Variants in SLC25A23 observed in about 807,000 individuals in gnomAD.
SLC25A23 encodes solute carrier family 25 member 23.
Under a neutral mutation model 53.9 loss-of-function variants are expected in SLC25A23, and 32 were observed. That is an observed-to-expected ratio of 0.59 (90% CI 0.45 to 0.80). The LOEUF is 0.80. Among genes scored for constraint, SLC25A23 ranks in the 30% least tolerant of loss-of-function variants. SLC25A23 has a pLI of 0.00. For synonymous variants in SLC25A23, 275 were observed against 264.5 expected, an observed-to-expected ratio of 1.04 and a Z score of -0.38; for missense variants, 575 against 651.4, an observed-to-expected ratio of 0.88 and a Z score of 1.28.
intron 8 of SLC25A23, among the ~76,000 whole-genome samples, chr19:6,444,675 A>G (rs1299506910): frequency 2.6e-5 from 4 of 151,774 alleles, no homozygotes. Context: ...AATTATTATT[A>G]TTATTATTTT....
rs1442798358 is a variant in SLC25A23, at chr19:6,443,853, C to G, written c.1222+298G>C. ...TCCTAGCCTCCCGCTCACGATAACCCAGGCTTACAAATTAAGAGTTCAAGT... is the reference window on the plus strand; with the variant it reads ...TCCTAGCCTCCCGCTCACGATAACCGAGGCTTACAAATTAAGAGTTCAAGT... On this transcript the variant is annotated intron_variant, in intron 9 of 9. Coordinates refer to ENST00000301454, the MANE Select transcript of SLC25A23 (RefSeq NM_024103.3). Among the ~76,000 whole-genome samples, 3 of 152,186 alleles carry G rather than the reference C, an allele frequency of 2.0e-5. No individual in the cohort carries two copies. The South Asian group carries it at 6.2e-4, about 31-fold the overall frequency.
rs1491496952 is a variant in SLC25A23, at chr19:6,458,219, T to TGTGAAACATGAGCAGCA, written c.245_261dup (p.Ser88CysfsTer50). On this transcript the variant is annotated frameshift_variant, in exon 2 of 10. Coordinates refer to ENST00000301454, the MANE Select transcript of SLC25A23 (RefSeq NM_024103.3). LOFTEE classifies it high-confidence loss of function. ...TTACCATCCTGGTTCCGGTCAAGAC[T>TGTGAAACATGAGCAGCA]GTGAAACATGAGCAGCAGACGCTGT... 5 of 1,613,530 alleles carry TGTGAAACATGAGCAGCA rather than the reference T, an allele frequency of 3.1e-6. No individual in the cohort carries two copies. Among genetic ancestry groups the TGTGAAACATGAGCAGCA allele is most frequent in the Non-Finnish European group, 4.2e-6 (5 of 1,179,984 alleles).
intron 9 of SLC25A23, 32 bp downstream of exon 9, chr19:6,444,119 C>T (rs369631634): frequency 1.3e-6 from 2 of 1,520,402 alleles, no homozygotes; most frequent in African/African-American, 2.7e-5. Context: ...CGATGAGACT[C>T]CCCCTGCCCC....
chr19:6,452,247 G>A, intron 8 of SLC25A23, 65 bp downstream of exon 8: 6 of 1,549,966 alleles, frequency 3.9e-6, no homozygotes, highest in Non-Finnish European at 5.2e-6. Flanking sequence ...AGGGGAAGGG[G>A]AAGGGGTGTC....
chr19:6,458,163 C>T, intron 2 of SLC25A23, 35 bp downstream of exon 2: 1 of 1,609,424 alleles, frequency 6.2e-7, no homozygotes, highest in Non-Finnish European at 8.5e-7. Flanking sequence ...ACAGCCCTAT[C>T]CCTTGGGGCC....
At chr19:6,443,363 A>G (rs1485652283) in intron 9 of SLC25A23, among the ~76,000 whole-genome samples, 1 of 152,184 alleles carries the variant, frequency 6.6e-6, no homozygotes, top group Non-Finnish European at 1.5e-5. Flanking sequence ...TTTGGACTAC[A>G]GGCACCTGCC....
At position 6,456,580 on chromosome 19, in the gene SLC25A23, TG is replaced by T. The variant is rs779426800; in HGVS notation, c.372-50del. On this transcript the variant is annotated intron_variant, in intron 3 of 9. Transcript: ENST00000301454. ...GGAGGACAGGTTCAGTGCCTGGGGG[TG>T]GGCTAGGCTGGGGTGAAGTTCTGCT... is the stretch of plus-strand genomic sequence containing the variant. 4 of 1,292,716 alleles carry T rather than the reference TG, an allele frequency of 3.1e-6. No individual in the cohort carries two copies. In the African/African-American group the frequency reaches 4.4e-5, roughly 14 times the overall value. 80.1% of individuals were successfully genotyped at this position (1,292,716 alleles called of 1,614,324 possible). A position where few individuals can be genotyped will look rare whatever the true frequency, so the allele number is the denominator to read the frequency against.
At chr19:6,456,950 T>C (rs1243244458) in intron 3 of SLC25A23, among the ~76,000 whole-genome samples, 1 of 152,064 alleles carries the variant, frequency 6.6e-6, no homozygotes, top group Non-Finnish European at 1.5e-5. Flanking sequence ...AGTGGCAGGA[T>C]TGCAGGCGTG....
chr19:6,456,135 A>G, intron 4 of SLC25A23: 4 of 1,423,454 alleles, frequency 2.8e-6, no homozygotes, highest in Non-Finnish European at 3.7e-6. Context: ...CCATCTGGTG[A>G]GCTCTTTCTT....
chr19:6,436,977 T>A (rs1389669756), downstream of SLC25A23, among the ~76,000 whole-genome samples: 1 of 151,986 alleles, frequency 6.6e-6, no homozygotes, highest in African/African-American at 2.4e-5. Flanking sequence ...GCCTTCCGAG[T>A]AGCTGGGATC....
rs2092653693 is a variant in SLC25A23, at chr19:6,454,792, T to C, written c.484-75A>G. The C allele has an allele frequency of 9.9e-6, 15 of 1,521,352 alleles. No individual in the cohort carries two copies. In the South Asian group the frequency reaches 1.7e-4, roughly 17 times the overall value. 94.2% of individuals were successfully genotyped at this position (1,521,352 alleles called of 1,614,324 possible). A position where few individuals can be genotyped will look rare whatever the true frequency, so the allele number is the denominator to read the frequency against. ...TGTGACTCAGTCCTAAATAGGGGAG[T>C]CTCCTCTATGAATCCTAGGATACCC... On this transcript the variant is annotated intron_variant, in intron 4 of 9. Transcript: ENST00000301454. This position sits in a 1 kb window ranked among gnomAD's most constrained non-coding sequence, Gnocchi z 4.3.
At position 6,441,563 on chromosome 19, in the gene SLC25A23, AG is replaced by A. The variant is rs2092421166; in HGVS notation, c.*411del. 1 of 216,606 alleles carries A rather than the reference AG, an allele frequency of 4.6e-6. No individual in the cohort carries two copies. The highest frequency in any genetic ancestry group is 6.1e-5 in the South Asian group (1 of 16,512). 13.4% of individuals were successfully genotyped at this position (216,606 alleles called of 1,614,324 possible). ...AAGACGTAGAGGTCCAGGATCCAGT[AG>A]GGGGCACAGGGAAGCGTGGGATCCA... On this transcript the variant is annotated 3_prime_UTR_variant, in exon 10 of 10. Coordinates refer to ENST00000301454, the MANE Select transcript of SLC25A23 (RefSeq NM_024103.3).
intron 8 of SLC25A23, among the ~76,000 whole-genome samples, chr19:6,446,930 G>A (rs1599308539): frequency 6.6e-6 from 1 of 152,048 alleles, no homozygotes; most frequent in African/African-American, 2.4e-5. Context: ...CACGGAGAAA[G>A]ACAGCCAGGT....
At chr19:6,448,766 G>A (rs931696751) in intron 8 of SLC25A23, among the ~76,000 whole-genome samples, 1 of 151,672 alleles carries the variant, frequency 6.6e-6, no homozygotes, top group African/African-American at 2.4e-5. Flanking sequence ...ACTGCACCTG[G>A]CAATTCCAGC....
In SLC25A23 at chr19:6,458,804, G is replaced by A. The variant is rs553237228; in HGVS notation, c.157-480C>T. On this transcript the variant is annotated intron_variant, in intron 1 of 9. Transcript: ENST00000301454. ...GGAGAGAACCAAGCGGAGTGGCTGA[G>A]GCCTTGGTTTTTCCCATTTGGGAAG... Among the ~76,000 whole-genome samples the A allele has an allele frequency of 1.2e-4, 19 of 152,308 alleles. No homozygotes were observed. In the South Asian group the frequency reaches 3.5e-3, roughly 28 times the overall value.
chr19:6,444,110 G>A (rs375296984), intron 9 of SLC25A23, 41 bp downstream of exon 9: 288 of 1,491,820 alleles, frequency 1.9e-4, no homozygotes, highest in Admixed American at 4.8e-4. Flanking sequence ...GGGCCCAAGC[G>A]ATGAGACTCC....
At chr19:6,451,440 C>T (rs1006765509) in intron 8 of SLC25A23, among the ~76,000 whole-genome samples, 4 of 152,156 alleles carry the variant, frequency 2.6e-5, no homozygotes, top group Non-Finnish European at 4.4e-5. Context: ...AGTAGCAGAG[C>T]GTTACACCAA....
chr19:6,444,163 T>C lies in SLC25A23; in HGVS notation c.1210A>G (p.Met404Val). 1 of 1,586,184 alleles carries C rather than the reference T, an allele frequency of 6.3e-7. No homozygotes were observed. The highest frequency in any genetic ancestry group is 2.3e-5 in the East Asian group (1 of 44,022). ...SYPLALVRTR[M>V]QAQASIEGGP... is the part of the protein sequence containing the mutation. ...GCCCAGGCCTCACCTTGTGCCTGCA[T>C]GCGGGTCCGGACCAGGGCCAGCGGG... The change falls in exon 9 of 10, where the codon ATG becomes GTG. Residue 404 changes from methionine to valine, a missense_variant. Physicochemically the swap from Met to Val is conservative, Grantham distance 21. Coordinates refer to ENST00000301454, the MANE Select transcript of SLC25A23 (RefSeq NM_024103.3).
Position 6,454,530 on chromosome 19 carries a change from A to AG in SLC25A23, c.642+28dup. 1 of 1,612,794 alleles carries AG rather than the reference A, an allele frequency of 6.2e-7. No individual in the cohort carries two copies. ...CCCTCCCAGGTGTCAGGCCTGGGGG[A>AG]GGGGGCAGGTCTCTCCAGAGCCCCT... On this transcript the variant is annotated intron_variant, in intron 5 of 9. Coordinates refer to ENST00000301454, the MANE Select transcript of SLC25A23 (RefSeq NM_024103.3). The surrounding 1 kb of genome is among the most constrained non-coding windows in gnomAD (Gnocchi z 4.3).
Sources: allele counts gnomAD v4.1 joint callset (sites outside exome capture counted in the v4.1 genomes callset), GRCh38; gene constraint gnomAD v4.1.1; non-coding constraint Gnocchi (gnomAD v3.1); transcripts MANE v1.5; gene names NCBI Gene and HGNC (gene_info 2026-07-23, HGNC 2026-07-21).